ROBO2: variants seen among roughly 807,000 people sequenced by gnomAD.
ROBO2 encodes the protein roundabout guidance receptor 2.
A neutral mutation model predicts 160.8 loss-of-function variants in ROBO2; 53 were observed. The observed-to-expected ratio is 0.33, with a 90% CI of 0.26 to 0.41. The LOEUF (loss-of-function observed/expected upper bound fraction) is 0.41, where lower values mean the gene tolerates loss of function less well. ROBO2 is among the 10% of genes least tolerant of loss of function. ROBO2 has a pLI of 1.00. For missense variants in ROBO2, 1,577 were observed against 1,722.4 expected (o/e 0.92, Z 1.49); for synonymous variants, 664 against 611.7 (o/e 1.09, Z -1.26).
In ROBO2 at chr3:76,452,339, A is replaced by C. The variant is rs181796504; in HGVS notation, c.109+514737A>C. 1.3e-3 allele frequency among the ~76,000 whole-genome samples: 193 copies of C among 151,826 alleles called. 1 individual carries two copies. Among genetic ancestry groups the C allele is most frequent in the African/African-American group, 4.4e-3 (183 of 41,398 alleles). On this transcript the variant is annotated intron_variant, in intron 2 of 26. Coordinates refer to the ROBO2 transcript ENST00000487694. ...CTATCCCTCCCCCTTCCCCCCACAC[A>C]ACAGTCCCCAGAGTGTGATGTTCCC...
chr3:77,303,717 A>C (rs2153415186), intron 2 of ROBO2, among the ~76,000 whole-genome samples: 1 of 152,228 alleles, frequency 6.6e-6, no homozygotes, highest in Middle Eastern at 3.4e-3. Context: ...GTGTGTGTAT[A>C]TATATACATA....
chr3:76,688,176 A>G (rs1267409819), intron 2 of ROBO2, among the ~76,000 whole-genome samples: 1 of 152,084 alleles, frequency 6.6e-6, no homozygotes, highest in African/African-American at 2.4e-5. Context: ...ATTTTCACAT[A>G]TATTATGCTG....
chr3:75,997,277 T>C (rs1359035990), intron 2 of ROBO2, among the ~76,000 whole-genome samples: 7 of 152,202 alleles, frequency 4.6e-5, no homozygotes, highest in Non-Finnish European at 1.0e-4. Context: ...TCAAATGATA[T>C]CAAATCAGCA....
rs1327778142 is a variant in ROBO2, at chr3:76,479,029, T to C, written c.109+541427T>C. On this transcript the variant is annotated intron_variant, in intron 2 of 26. Coordinates refer to the ROBO2 transcript ENST00000487694. ...AGATATAGTAACTTCAATATCATGG[T>C]GTGTTTGTAGCATGGGAAAATGGCC... Among the ~76,000 whole-genome samples the C allele has an allele frequency of 2.0e-5, 3 of 152,254 alleles. No individual in the cohort carries two copies. The South Asian group carries it at 6.2e-4, about 32-fold the overall frequency.
chr3:77,450,595 A>T (rs2081015707), intron 2 of ROBO2, among the ~76,000 whole-genome samples: 1 of 152,092 alleles, frequency 6.6e-6, no homozygotes, highest in Non-Finnish European at 1.5e-5. Flanking sequence ...TCTTACTTGG[A>T]TCCCATCAAT....
intron 2 of ROBO2, among the ~76,000 whole-genome samples, chr3:75,979,229 G>A (rs2065213227): frequency 6.6e-6 from 1 of 151,558 alleles, no homozygotes; most frequent in Non-Finnish European, 1.5e-5. Context: ...ATACTAGGAT[G>A]GCATCATAAA....
At position 77,433,493 on chromosome 3, in the gene ROBO2, T is replaced by C. The variant is rs1253392112; in HGVS notation, c.389-43921T>C. Among the ~76,000 whole-genome samples, 4 of 102,428 alleles carry C rather than the reference T, an allele frequency of 3.9e-5. 1 individual carries two copies. Among genetic ancestry groups the C allele is most frequent in the Admixed American group, 2.6e-4 (3 of 11,678 alleles). 67.2% of individuals were successfully genotyped at this position (102,428 alleles called of 152,430 possible). Reference sequence around the variant, plus strand: ...CTTCTTCTCTGGCAACTTGTATATATATATATATATATATATATATATATA... The same window carrying C: ...CTTCTTCTCTGGCAACTTGTATATACATATATATATATATATATATATATA... On this transcript the variant is annotated intron_variant, in intron 2 of 25. Transcript: ENST00000461745.
At chr3:76,999,315 C>A (rs879265548) in intron 2 of ROBO2, among the ~76,000 whole-genome samples, 6 of 151,958 alleles carry the variant, frequency 3.9e-5, no homozygotes, top group Non-Finnish European at 5.9e-5. Context: ...AGAGGGCACT[C>A]AAGGTTATTA....
At chr3:76,765,870 G>A (rs531113117) in intron 2 of ROBO2, among the ~76,000 whole-genome samples, 18 of 151,628 alleles carry the variant, frequency 1.2e-4, no homozygotes, top group Admixed American at 2.6e-4. Flanking sequence ...GGACTGTTTC[G>A]AGGCACCCAC....
Position 76,243,195 on chromosome 3 carries a change from G to C in ROBO2, c.109+305593G>C, listed in dbSNP as rs112186545. ...AAGTTGACTTTGGTATCCTCTCGCGGCCCCTTTAGCCCATTACATGTCACT... is the reference window on the plus strand; with the variant it reads ...AAGTTGACTTTGGTATCCTCTCGCGCCCCCTTTAGCCCATTACATGTCACT... On this transcript the variant is annotated intron_variant, in intron 2 of 26. Coordinates refer to the ROBO2 transcript ENST00000487694. Among the ~76,000 whole-genome samples the C allele has an allele frequency of 6.4e-3, 979 of 152,128 alleles. 11 individuals carry two copies. The highest frequency in any genetic ancestry group is 0.023 in the African/African-American group (934 of 41,506).
chr3:77,040,784 A>C lies in ROBO2; in HGVS notation c.-2A>C, dbSNP rs762087485. 3.1e-6 allele frequency: 5 copies of C among 1,613,940 alleles called. No individual in the cohort carries two copies. The African/African-American group carries it at 6.7e-5, about 22-fold the overall frequency. ...AATCTGGATCCTTTTTAATATGTCAAAATGAGTCTGCTGATGTTTACACAA... is the reference window on the plus strand; with the variant it reads ...AATCTGGATCCTTTTTAATATGTCACAATGAGTCTGCTGATGTTTACACAA... On this transcript the variant is annotated 5_prime_UTR_variant, in exon 1 of 26. Transcript: ENST00000461745.
intron 12 of ROBO2, among the ~76,000 whole-genome samples, chr3:77,566,748 A>G (rs75379379): frequency 0.049 from 7,477 of 152,114 alleles, 381 homozygotes; most frequent in East Asian, 0.13. Flanking sequence ...GAAAGAATAT[A>G]TAGAGTGAAA....
At chr3:77,036,604 T>G (rs768516645), upstream of ROBO2, among the ~76,000 whole-genome samples, 2 of 152,098 alleles carry the variant, frequency 1.3e-5, no homozygotes, top group Non-Finnish European at 2.9e-5. Flanking sequence ...CTTACAATCT[T>G]TAGATGTATT....
At chr3:76,248,994 T>G (rs913925993) in intron 2 of ROBO2, among the ~76,000 whole-genome samples, 1 of 152,122 alleles carries the variant, frequency 6.6e-6, no homozygotes, top group Non-Finnish European at 1.5e-5. Flanking sequence ...AAGACACACA[T>G]GTATTTCGTG....
intron 2 of ROBO2, among the ~76,000 whole-genome samples, chr3:76,137,612 CTT>C (rs1370595808): frequency 1.4e-5 from 2 of 144,808 alleles, no homozygotes; most frequent in East Asian, 2.0e-4. Context: ...ATCAACTGCA[CTT>C]TTTTTTTTTT....
rs143004091 is a variant in ROBO2 at position 76,967,489 on chromosome 3, A to G, written c.110-130525A>G. Among the ~76,000 whole-genome samples the G allele has an allele frequency of 6.8e-3, 975 of 143,000 alleles. 7 individuals are homozygous for G. The highest frequency in any genetic ancestry group is 0.021 in the Middle Eastern group (5 of 242). The allele number at this position is 143,000 out of a possible 152,430, so 93.8% of individuals were successfully genotyped here. On this transcript the variant is annotated intron_variant, in intron 2 of 26. Coordinates refer to the ROBO2 transcript ENST00000487694. Reference sequence around the variant, plus strand: ...CCCAAAGTGCTAGGATTACAGTCATAAGCCACCGCACCTGGCCAGCTCTTT... The same window carrying G: ...CCCAAAGTGCTAGGATTACAGTCATGAGCCACCGCACCTGGCCAGCTCTTT...
At chr3:77,632,545 G>A in intron 23 of ROBO2, 1 of 1,535,852 alleles carries the variant, frequency 6.5e-7, no homozygotes, top group Non-Finnish European at 8.7e-7. Context: ...ATCTAGTGTA[G>A]GTAGCTCCTC....
chr3:77,385,188 C>G (rs1480767300), intron 2 of ROBO2, among the ~76,000 whole-genome samples: 3 of 152,104 alleles, frequency 2.0e-5, no homozygotes, highest in African/African-American at 7.2e-5. Context: ...CACAACCACA[C>G]CTGGCTAATT....
At chr3:76,194,345 G>GGT (rs201557774) in intron 2 of ROBO2, among the ~76,000 whole-genome samples, 33 of 29,204 alleles carry the variant, frequency 1.1e-3, no homozygotes, top group South Asian at 3.8e-3. Context: ...AAATATGTAT[G>GGT]GTGTGTAAAT....
Sources: allele counts gnomAD v4.1 joint callset (sites outside exome capture counted in the v4.1 genomes callset), GRCh38; gene constraint gnomAD v4.1.1; transcripts MANE v1.5; gene names NCBI Gene and HGNC (gene_info 2026-07-23, HGNC 2026-07-21).